NCAPD3: variants seen among roughly 807,000 people sequenced by gnomAD.
The protein encoded by NCAPD3 is non-SMC condensin II complex subunit D3.
In NCAPD3, 105 loss-of-function variants were observed where a neutral mutation model predicts 182.9. That is an observed-to-expected ratio of 0.57 (90% confidence interval 0.49 to 0.68). The LOEUF (loss-of-function observed/expected upper bound fraction) is 0.68. Among genes scored for constraint, NCAPD3 ranks in the 30% least tolerant of loss-of-function variants. The probability of loss-of-function intolerance (pLI) is 0.00; values close to 1 mark genes in which losing one functional copy is unlikely to be tolerated. For missense variants in NCAPD3, 1,944 were observed against 1,837.0 expected (o/e 1.06, Z -1.07); for synonymous variants, 815 against 679.9 (o/e 1.20, Z -3.09).
intron 13 of NCAPD3, among the ~76,000 whole-genome samples, chr11:134,195,806 T>C (rs1428002592): frequency 6.6e-6 from 1 of 152,218 alleles, no homozygotes; most frequent in Non-Finnish European, 1.5e-5. Context: ...TGGCTTATAT[T>C]AAACAGGATT....
chr11:134,196,668 G>T (rs1006111031), intron 13 of NCAPD3, among the ~76,000 whole-genome samples: 4 of 142,918 alleles, frequency 2.8e-5, no homozygotes, highest in Non-Finnish European at 6.2e-5. Flanking sequence ...AAAAAGAAAA[G>T]AAAAGAAAGA....
At chr11:134,160,197 G>T in intron 28 of NCAPD3, 123 bp from the exon 29 acceptor site, 2 of 952,832 alleles carry the variant, frequency 2.1e-6, no homozygotes, top group Admixed American at 2.8e-5. Context: ...ACCCCTGAAC[G>T]CAAAATAAAA....
intron 7 of NCAPD3, among the ~76,000 whole-genome samples, chr11:134,207,186 A>G (rs1937632138): frequency 1.3e-5 from 2 of 152,214 alleles, no homozygotes; most frequent in African/African-American, 4.8e-5. Context: ...TATTCATCCA[A>G]TAAATAAAAC....
intron 7 of NCAPD3, 103 bp from the exon 8 acceptor site, chr11:134,206,835 T>A: frequency 7.9e-7 from 1 of 1,266,500 alleles, no homozygotes; most frequent in Non-Finnish European, 1.1e-6. Flanking sequence ...CATCTGAAGG[T>A]AGGTCAGGCT....
chr11:134,202,781 T>C (rs1944776249), intron 13 of NCAPD3, 35 bp downstream of exon 13: 2 of 1,464,748 alleles, frequency 1.4e-6, no homozygotes, highest in African/African-American at 1.4e-5. Flanking sequence ...AATCCAGCAG[T>C]ATTACCTATC....
chr11:134,209,319 A>T lies in NCAPD3; in HGVS notation c.726T>A (p.Cys242Ter), dbSNP rs1431973051. The change falls in exon 5 of 35, where the codon TGT becomes TGA. Residue 242 changes from cysteine to a stop codon, truncating the protein, a stop_gained. Coordinates refer to ENST00000534548, the MANE Select transcript of NCAPD3 (RefSeq NM_015261.3). LOFTEE classifies it high-confidence loss of function. ...TCCTGGAATTTTCACTTACCTCTAT[A>T]CAATTCTGTACACATTGTGGCTTTT... ...LKEKPQCVQN[C>*]IEVFVSLTNF... 1 of 1,613,264 alleles carries T rather than the reference A, an allele frequency of 6.2e-7. No homozygotes were observed. The highest frequency in any genetic ancestry group is 1.1e-5 in the South Asian group (1 of 90,912).
intron 29 of NCAPD3, 111 bp downstream of exon 29, chr11:134,159,781 G>T: frequency 1.6e-6 from 2 of 1,216,090 alleles, no homozygotes; most frequent in Non-Finnish European, 2.3e-6. Flanking sequence ...AGGCCTTCGG[G>T]CTGACTAACC....
At chr11:134,189,762 A>G (rs563563024) in intron 16 of NCAPD3, among the ~76,000 whole-genome samples, 2 of 152,322 alleles carry the variant, frequency 1.3e-5, no homozygotes, top group South Asian at 4.1e-4. Context: ...TTCCAGGTAT[A>G]ATTCCTTTAT....
At chr11:134,224,919 C>G (rs2136041999), upstream of NCAPD3, 1 of 237,350 alleles carries the variant, frequency 4.2e-6, no homozygotes, top group Middle Eastern at 1.4e-3. Flanking sequence ...CCCGCAGCCG[C>G]CAGCCTCCCC....
In NCAPD3 at chr11:134,178,620, CAT is replaced by C. The variant is rs781514779; in HGVS notation, c.2782+12_2782+13del. On this transcript the variant is annotated intron_variant, in intron 22 of 34. Coordinates refer to ENST00000534548, the MANE Select transcript of NCAPD3 (RefSeq NM_015261.3). The stretch of plus-strand genomic sequence containing the variant: ...AGAACGATGTCAAGCCCCATTCTCC[CAT>C]GTTTTTCTTACCTAAGGTAATGATG... 41 of 1,517,238 alleles carry C rather than the reference CAT, an allele frequency of 2.7e-5. No homozygotes were observed. The Admixed American group carries it at 8.1e-4, about 30-fold the overall frequency. The allele number at this position is 1,517,238 out of a possible 1,614,324, so 94.0% of individuals were successfully genotyped here. A position where few individuals can be genotyped will look rare whatever the true frequency, so the allele number is the denominator to read the frequency against.
chr11:134,165,559 T>C (rs1417026185), intron 27 of NCAPD3, among the ~76,000 whole-genome samples: 2 of 142,644 alleles, frequency 1.4e-5, no homozygotes, highest in African/African-American at 5.3e-5. Context: ...GCACACTCAC[T>C]TGTGAGATGA....
intron 27 of NCAPD3, among the ~76,000 whole-genome samples, chr11:134,162,992 C>A (rs1943630918): frequency 6.6e-6 from 1 of 152,092 alleles, no homozygotes; most frequent in Non-Finnish European, 1.5e-5. Flanking sequence ...GAGGGCGCTG[C>A]AGACTTTAGA....
chr11:134,170,441 G>A (rs1050417602), intron 24 of NCAPD3, among the ~76,000 whole-genome samples: 1 of 152,142 alleles, frequency 6.6e-6, no homozygotes, highest in African/African-American at 2.4e-5. Flanking sequence ...TGACAAGAAT[G>A]AAAAAAACCA....
intron 3 of NCAPD3, among the ~76,000 whole-genome samples, chr11:134,213,761 T>G (rs951054404): frequency 6.6e-6 from 1 of 152,200 alleles, no homozygotes; most frequent in Non-Finnish European, 1.5e-5. Context: ...GGACAAATCT[T>G]AAGATAACTA....
At chr11:134,172,947 A>C (rs530963015) in intron 24 of NCAPD3, 1 of 143,468 alleles carries the variant, frequency 7.0e-6, no homozygotes, top group East Asian at 2.1e-4. Flanking sequence ...ATTGCACTCC[A>C]GCCTGGGCAA....
chr11:134,161,168 G>A (rs1943567503), intron 28 of NCAPD3, among the ~76,000 whole-genome samples: 1 of 152,100 alleles, frequency 6.6e-6, no homozygotes, highest in Non-Finnish European at 1.5e-5. Context: ...TGTGAACAGA[G>A]CTATAACTGC....
chr11:134,163,167 G>A (rs1425325376), intron 27 of NCAPD3, among the ~76,000 whole-genome samples: 1 of 152,210 alleles, frequency 6.6e-6, no homozygotes, highest in African/African-American at 2.4e-5. Context: ...GGTTTATTCA[G>A]AAGATGACAG....
chr11:134,185,215 A>T, intron 17 of NCAPD3, 120 bp downstream of exon 17: 1 of 985,268 alleles, frequency 1.0e-6, no homozygotes. Context: ...TTTTTATACC[A>T]GGTTTTAAAC....
intron 15 of NCAPD3, among the ~76,000 whole-genome samples, chr11:134,193,706 T>C (rs578166443): frequency 6.6e-6 from 1 of 152,222 alleles, no homozygotes; most frequent in African/African-American, 2.4e-5. Context: ...TGAGCTGAGA[T>C]TGTGCCACTG....
Sources: gnomAD v4.1 joint callset for allele counts (sites outside exome capture counted in the v4.1 genomes callset) on GRCh38, gnomAD v4.1.1 for gene constraint, MANE v1.5 for transcripts, NCBI Gene and HGNC (gene_info 2026-07-23, HGNC 2026-07-21) for gene names.